The following PPP1R12B variants were observed in gnomAD, a reference collection of about 807,000 sequenced individuals.
PPP1R12B encodes the protein myosin phosphatase target subunit 2.
In PPP1R12B, 76 loss-of-function variants were observed where a neutral mutation model predicts 126.1. That is an observed-to-expected ratio of 0.60 (90% CI 0.50 to 0.73). The LOEUF is 0.73. Among genes scored for constraint, PPP1R12B ranks in the 30% least tolerant of loss-of-function variants. PPP1R12B has a pLI of 0.00. For missense variants in PPP1R12B, 1,052 were observed against 1,205.1 expected, an observed-to-expected ratio of 0.87 and a Z score of 1.88; for synonymous variants, 356 against 434.7, an observed-to-expected ratio of 0.82 and a Z score of 2.25.
intron 10 of PPP1R12B, chr1:202,438,961 G>C: frequency 6.5e-7 from 1 of 1,533,910 alleles, no homozygotes; most frequent in Non-Finnish European, 9.0e-7. Context: ...CTGACCTGGA[G>C]ATGCTCACAG....
At chr1:202,504,498 A>G (rs1205878430) in intron 18 of PPP1R12B, among the ~76,000 whole-genome samples, 1 of 152,194 alleles carries the variant, frequency 6.6e-6, no homozygotes, top group Admixed American at 6.6e-5. Context: ...GGCTAGAATG[A>G]CAGTTACAGA....
intron 1 of PPP1R12B, among the ~76,000 whole-genome samples, chr1:202,374,574 T>A (rs1421839933): frequency 7.4e-6 from 1 of 135,560 alleles, no homozygotes; most frequent in Non-Finnish European, 1.5e-5. Flanking sequence ...CTCGGCTCAC[T>A]TGCAACCTCC....
chr1:202,387,499 A>G (rs1163685401), intron 1 of PPP1R12B, among the ~76,000 whole-genome samples: 1 of 152,196 alleles, frequency 6.6e-6, no homozygotes. Context: ...TGTTAACTAG[A>G]TAGCTGTAAC....
At chr1:202,451,839 G>A (rs1672981755) in intron 13 of PPP1R12B, among the ~76,000 whole-genome samples, 1 of 151,340 alleles carries the variant, frequency 6.6e-6, no homozygotes, top group East Asian at 2.0e-4. Flanking sequence ...AGCTGGCCTG[G>A]TGGGGGCTGA....
intron 1 of PPP1R12B, among the ~76,000 whole-genome samples, chr1:202,414,004 G>A (rs1191173898): frequency 2.6e-5 from 4 of 152,094 alleles, no homozygotes; most frequent in Admixed American, 6.5e-5. Flanking sequence ...TCACTGCAAC[G>A]TCTGCCTCCT....
At chr1:202,350,619 C>A (rs912143699) in intron 1 of PPP1R12B, among the ~76,000 whole-genome samples, 1 of 151,048 alleles carries the variant, frequency 6.6e-6, no homozygotes, top group Admixed American at 6.6e-5. Flanking sequence ...TTTTCTTTTT[C>A]TTTTTCTTTT....
chr1:202,559,115 C>T (rs1687263340), intron 19 of PPP1R12B, among the ~76,000 whole-genome samples: 1 of 152,178 alleles, frequency 6.6e-6, no homozygotes, highest in Non-Finnish European at 1.5e-5. Context: ...CTCCTCTTTC[C>T]AGTTCACCTT....
intron 12 of PPP1R12B, 69 bp downstream of exon 12, chr1:202,442,641 T>C: frequency 4.2e-6 from 6 of 1,432,976 alleles, no homozygotes; most frequent in Non-Finnish European, 4.7e-6. Context: ...AATGATTGTA[T>C]GCCTTTTTAT....
intron 14 of PPP1R12B, among the ~76,000 whole-genome samples, chr1:202,492,909 A>G (rs1257112540): frequency 6.6e-6 from 1 of 152,204 alleles, no homozygotes; most frequent in Non-Finnish European, 1.5e-5. Flanking sequence ...TACATTTAAA[A>G]TGTACCTAGA....
At chr1:202,459,952 C>G (rs998377173) in intron 13 of PPP1R12B, among the ~76,000 whole-genome samples, 12 of 152,192 alleles carry the variant, frequency 7.9e-5, no homozygotes, top group Non-Finnish European at 1.8e-4. Context: ...AAGTGGCAAG[C>G]TGTTGGCAGA....
At chr1:202,360,925 C>A (rs1443842081) in intron 1 of PPP1R12B, among the ~76,000 whole-genome samples, 1 of 141,042 alleles carries the variant, frequency 7.1e-6, no homozygotes, top group Non-Finnish European at 1.5e-5. Context: ...GAGTCTTGCT[C>A]TGTCACCCAG....
chr1:202,439,569 C>G (rs1204818789), intron 10 of PPP1R12B: 1 of 1,435,614 alleles, frequency 7.0e-7, no homozygotes, highest in Non-Finnish European at 9.6e-7. Context: ...CAGGAACTGA[C>G]CACCCAGGTG....
At chr1:202,569,306 T>G in intron 23 of PPP1R12B, 109 bp downstream of exon 23, 1 of 1,100,720 alleles carries the variant, frequency 9.1e-7, no homozygotes, top group Admixed American at 2.0e-5. Flanking sequence ...AAACTCAATA[T>G]CTGCAAGAAG....
chr1:202,485,983 G>A (rs1340410906), intron 13 of PPP1R12B, among the ~76,000 whole-genome samples: 1 of 152,174 alleles, frequency 6.6e-6, no homozygotes, highest in East Asian at 1.9e-4. Context: ...CCAGGCTCAA[G>A]CCGTCCTCCC....
At chr1:202,526,044 A>G (rs571519919) in intron 18 of PPP1R12B, among the ~76,000 whole-genome samples, 3 of 152,334 alleles carry the variant, frequency 2.0e-5, no homozygotes, top group Admixed American at 1.3e-4. Flanking sequence ...AATGATCCCA[A>G]TGGAGAACAA....
chr1:202,383,645 A>G (rs556664398), intron 1 of PPP1R12B, among the ~76,000 whole-genome samples: 1 of 152,098 alleles, frequency 6.6e-6, no homozygotes, highest in South Asian at 2.1e-4. Flanking sequence ...GATTGCTTGA[A>G]CCCAGGAGGT....
At chr1:202,557,667 A>G (rs990215221) in intron 18 of PPP1R12B, among the ~76,000 whole-genome samples, 1 of 152,230 alleles carries the variant, frequency 6.6e-6, no homozygotes, top group African/African-American at 2.4e-5. Flanking sequence ...AAATACATAT[A>G]GGAAGGCTGC....
intron 1 of PPP1R12B, among the ~76,000 whole-genome samples, chr1:202,375,651 A>G (rs1175659734): frequency 2.0e-5 from 3 of 152,238 alleles, no homozygotes; most frequent in African/African-American, 7.2e-5. Flanking sequence ...GTAACTTCAA[A>G]CTGCTGGGCT....
intron 19 of PPP1R12B, among the ~76,000 whole-genome samples, chr1:202,561,590 A>G (rs992323266): frequency 7.9e-5 from 12 of 152,250 alleles, no homozygotes; most frequent in Admixed American, 2.0e-4. Flanking sequence ...TTTCTTAGGC[A>G]GGATTATGGG....
Sources: allele counts gnomAD v4.1 joint callset (sites outside exome capture counted in the v4.1 genomes callset), GRCh38; gene constraint gnomAD v4.1.1; transcripts MANE v1.5; gene names NCBI Gene and HGNC (gene_info 2026-07-23, HGNC 2026-07-21).